TASP1: variants seen among roughly 807,000 people sequenced by gnomAD.
The protein encoded by TASP1 is threonine aspartase 1.
Under a neutral mutation model 56.6 loss-of-function variants are expected in TASP1, and 16 were observed. The ratio of observed to expected loss-of-function variants is 0.28; its 90% CI spans 0.19 to 0.43. The LOEUF (loss-of-function observed/expected upper bound fraction) is 0.43, where lower values mean the gene tolerates loss of function less well. TASP1 is among the 20% of genes least tolerant of loss of function. The probability of loss-of-function intolerance (pLI) is 1.00; values close to 1 mark genes in which losing one functional copy is unlikely to be tolerated. For synonymous variants in TASP1, 179 were observed against 184.2 expected, an observed-to-expected ratio of 0.97 and a Z score of 0.23; for missense variants, 393 against 511.6, an observed-to-expected ratio of 0.77 and a Z score of 2.24.
At chr20:13,168,160 T>A in the TASP1 span, 1 of 151,532 alleles carries the variant, frequency 6.6e-6, no homozygotes, top group African/African-American at 2.4e-5. Context: ...TTGAATGTGG[T>A]ATCTTTCTTT....
At chr20:13,337,402 T>C in the TASP1 span, among the ~76,000 whole-genome samples, 2 of 152,184 alleles carry the variant, frequency 1.3e-5, no homozygotes, top group Non-Finnish European at 2.9e-5. Context: ...ACACAGCTCC[T>C]CATTCCCAAA....
At chr20:13,178,507 C>A in the TASP1 span, among the ~76,000 whole-genome samples, 1 of 151,970 alleles carries the variant, frequency 6.6e-6, no homozygotes, top group Non-Finnish European at 1.5e-5. Flanking sequence ...ACCTAGGTAT[C>A]CAACAACAGA....
chr20:13,555,624 G>A (rs1194740276), intron 8 of TASP1, among the ~76,000 whole-genome samples: 3 of 152,034 alleles, frequency 2.0e-5, no homozygotes, highest in African/African-American at 4.8e-5. Flanking sequence ...TTCCTCCACT[G>A]AAGTCCTGAA....
chr20:13,630,667 C>T (rs550818479), intron 1 of TASP1, among the ~76,000 whole-genome samples: 29 of 92,994 alleles, frequency 3.1e-4, no homozygotes, highest in Admixed American at 8.8e-4. Flanking sequence ...CCAGCCTGGG[C>T]AACAAAGTAA....
At chr20:13,465,175 TC>T (rs2044205913) in intron 11 of TASP1, among the ~76,000 whole-genome samples, 1 of 53,992 alleles carries the variant, frequency 1.9e-5, no homozygotes, top group Non-Finnish European at 3.3e-5. Flanking sequence ...CCTTTCTCTC[TC>T]CCAAAAAAAA....
chr20:13,313,339 C>T, the TASP1 span, among the ~76,000 whole-genome samples: 1 of 152,340 alleles, frequency 6.6e-6, no homozygotes, highest in Non-Finnish European at 1.5e-5. Flanking sequence ...TGAAGTGTAA[C>T]CTAACTGGAT....
At chr20:13,615,301 G>T (rs551101573) in intron 4 of TASP1, among the ~76,000 whole-genome samples, 36 of 152,218 alleles carry the variant, frequency 2.4e-4, no homozygotes, top group Middle Eastern at 3.4e-3. Flanking sequence ...GCAGGAGGCT[G>T]GACCCTGAGT....
At chr20:13,571,721 G>A (rs970936301) in intron 6 of TASP1, among the ~76,000 whole-genome samples, 5 of 152,228 alleles carry the variant, frequency 3.3e-5, no homozygotes, top group African/African-American at 1.2e-4. Context: ...CTCTTGTGAG[G>A]ACCAGTGTAA....
chr20:13,576,381 G>GAAAGAAAGAAAGAA (rs1367251888), intron 6 of TASP1, among the ~76,000 whole-genome samples: 1 of 149,398 alleles, frequency 6.7e-6, no homozygotes, highest in African/African-American at 2.5e-5. Context: ...AAGAAAGAAA[G>GAAAGAAAGAAAGAA]AAAGAAAGAA....
the TASP1 span, among the ~76,000 whole-genome samples, chr20:13,116,404 CTG>C: frequency 6.6e-6 from 1 of 152,304 alleles, no homozygotes; most frequent in South Asian, 2.1e-4. Context: ...GCAGTCAAAA[CTG>C]TGTGCAACAT....
chr20:13,638,620 C>T (rs2049399968), intron 1 of TASP1, among the ~76,000 whole-genome samples: 1 of 152,208 alleles, frequency 6.6e-6, no homozygotes, highest in Admixed American at 6.5e-5. Flanking sequence ...GAACTCCCCA[C>T]ATACAGACAG....
chr20:13,486,445 C>T (rs948114916), intron 10 of TASP1, among the ~76,000 whole-genome samples: 3 of 152,068 alleles, frequency 2.0e-5, no homozygotes, highest in African/African-American at 7.2e-5. Flanking sequence ...AAATTCATAA[C>T]TTATGTTTTT....
At chr20:13,328,147 A>T in the TASP1 span, among the ~76,000 whole-genome samples, 1 of 152,230 alleles carries the variant, frequency 6.6e-6, no homozygotes, top group East Asian at 1.9e-4. Flanking sequence ...AAGTGAGCAA[A>T]GGACATGAAC....
the TASP1 span, among the ~76,000 whole-genome samples, chr20:13,277,399 G>A: frequency 7.2e-6 from 1 of 138,894 alleles, no homozygotes; most frequent in Non-Finnish European, 1.6e-5. Flanking sequence ...GCAGACGATT[G>A]TTGCAGCTCA....
chr20:13,256,118 A>G, the TASP1 span, among the ~76,000 whole-genome samples: 1 of 152,126 alleles, frequency 6.6e-6, no homozygotes, highest in Admixed American at 6.5e-5. Context: ...TCTAGAGGAC[A>G]GGCGTGGTGG....
Position 13,580,951 on chromosome 20 carries a change from C to G in TASP1, c.434G>C (p.Arg145Thr), listed in dbSNP as rs778088119. ...GIKNPVSVANRLLCEGQKGKL... is the reference protein window; with the variant it reads ...GIKNPVSVANTLLCEGQKGKL... ...GCCCTTCTGCCCTTCACATAAGAGT[C>G]TGTTGGCAACCGAGACTGGGTTCTT... The change falls in exon 6 of 14, where the codon AGA (arginine) becomes ACA (threonine). Residue 145 changes from arginine to threonine, a missense_variant. By Grantham distance (71) the Arg-to-Thr change is moderately conservative. This residue lies in a region of TASP1 where 293 missense variants were observed against 354.2 expected (regional missense o/e 0.83). Coordinates refer to ENST00000337743, the MANE Select transcript of TASP1 (RefSeq NM_017714.3). 11 of 1,609,778 alleles carry G rather than the reference C, an allele frequency of 6.8e-6. No homozygotes were observed. Among genetic ancestry groups the G allele is most frequent in the Non-Finnish European group, 8.5e-6 (10 of 1,178,648 alleles).
intron 7 of TASP1, among the ~76,000 whole-genome samples, chr20:13,568,178 C>T (rs1376747799): frequency 1.3e-5 from 2 of 152,076 alleles, no homozygotes; most frequent in Admixed American, 6.5e-5. Context: ...CACAAGGTCT[C>T]GCTCTGTCAC....
the TASP1 span, chr20:13,221,805 T>A: frequency 1.4e-6 from 2 of 1,455,868 alleles, no homozygotes; most frequent in Non-Finnish European, 1.8e-6. Flanking sequence ...GAGCTGCTGC[T>A]GCTGCTGGGG....
chr20:13,635,028 CA>C (rs1158411977), intron 1 of TASP1, among the ~76,000 whole-genome samples: 1 of 151,738 alleles, frequency 6.6e-6, no homozygotes. Context: ...AACTCCATCT[CA>C]AAAAAATAAA....
Sources: gnomAD v4.1 joint callset for allele counts (sites outside exome capture counted in the v4.1 genomes callset) on GRCh38, gnomAD v4.1.1 for gene constraint, gnomAD v4.1.1 regional missense constraint, MANE v1.5 for transcripts, NCBI Gene and HGNC (gene_info 2026-07-23, HGNC 2026-07-21) for gene names.